Variants in C12orf42 observed in about 807,000 individuals in gnomAD.
C12orf42 encodes the protein chromosome 12 open reading frame 42.
A neutral mutation model predicts 21.6 loss-of-function variants in C12orf42; 25 were observed. The ratio of observed to expected loss-of-function variants is 1.16; its 90% CI spans 0.84 to 1.62. The LOEUF (loss-of-function observed/expected upper bound fraction) is 1.62. Among genes scored for constraint, C12orf42 ranks in the 40% most tolerant of loss-of-function variants. The pLI, the probability that C12orf42 is intolerant of heterozygous loss-of-function variation, is 0.00. For missense variants in C12orf42, 483 were observed against 459.3 expected, an observed-to-expected ratio of 1.05 and a Z score of -0.47; for synonymous variants, 174 against 175.0, an observed-to-expected ratio of 0.99 and a Z score of 0.05.
At chr12:103,397,536 ATCT>A (rs1323161592) in intron 3 of C12orf42, among the ~76,000 whole-genome samples, 20 of 152,198 alleles carry the variant, frequency 1.3e-4, no homozygotes, top group Admixed American at 1.3e-3. Flanking sequence ...ATGTCTGATG[ATCT>A]TCTAAGGTGG....
intron 4 of C12orf42, among the ~76,000 whole-genome samples, chr12:103,363,710 A>T (rs1328103457): frequency 6.6e-6 from 1 of 152,140 alleles, no homozygotes; most frequent in Non-Finnish European, 1.5e-5. Context: ...TATCAGACAA[A>T]ATAAATTATA....
At chr12:103,097,899 G>A in the C12orf42 span, among the ~76,000 whole-genome samples, 3 of 152,126 alleles carry the variant, frequency 2.0e-5, no homozygotes, top group African/African-American at 7.2e-5. Context: ...TCTGTGACAC[G>A]CTGTGGGGAC....
At chr12:103,162,580 G>A in the C12orf42 span, 1 of 151,898 alleles carries the variant, frequency 6.6e-6, no homozygotes, top group South Asian at 2.1e-4. Context: ...CCTAAGAAGA[G>A]GGAAGCCAAT....
the C12orf42 span, among the ~76,000 whole-genome samples, chr12:103,064,877 G>A: frequency 6.6e-6 from 1 of 152,304 alleles, no homozygotes; most frequent in Admixed American, 6.5e-5. Context: ...GGTAATTAAT[G>A]GAGTTTTAGC....
chr12:103,278,361 C>T (rs1442248885), intron 4 of C12orf42, among the ~76,000 whole-genome samples: 1 of 152,040 alleles, frequency 6.6e-6, no homozygotes, highest in Non-Finnish European at 1.5e-5. Flanking sequence ...TGTTTTTTCT[C>T]CACTAAGACA....
chr12:103,221,468 T>C, the C12orf42 span, among the ~76,000 whole-genome samples: 5 of 152,260 alleles, frequency 3.3e-5, no homozygotes, highest in South Asian at 8.3e-4. Flanking sequence ...TTCACTTATA[T>C]GTCCATTTCA....
intron 4 of C12orf42, among the ~76,000 whole-genome samples, chr12:103,294,389 A>AAAAGAAAGAAAG (rs10579611): frequency 0.015 from 1,774 of 118,668 alleles, 26 homozygotes; most frequent in Middle Eastern, 0.032. Context: ...AGAAAGAAGA[A>AAAAGAAAGAAAG]AAAGAAAGAA....
intron 2 of C12orf42, among the ~76,000 whole-genome samples, chr12:103,413,895 T>G (rs1318256139): frequency 6.6e-6 from 1 of 152,186 alleles, no homozygotes; most frequent in African/African-American, 2.4e-5. Flanking sequence ...ATTTTCTTTA[T>G]CCACTCATTG....
chr12:103,408,144 A>T (rs1426433294), intron 2 of C12orf42, among the ~76,000 whole-genome samples: 1 of 152,190 alleles, frequency 6.6e-6, no homozygotes, highest in East Asian at 1.9e-4. Context: ...CTTACATGGT[A>T]GCCCTGATTG....
At chr12:103,414,360 C>T (rs998140576) in intron 2 of C12orf42, among the ~76,000 whole-genome samples, 3 of 151,794 alleles carry the variant, frequency 2.0e-5, no homozygotes, top group East Asian at 1.9e-4. Context: ...GATTTGTTTG[C>T]GTTCCTTGCA....
the C12orf42 span, among the ~76,000 whole-genome samples, chr12:103,175,163 T>C: frequency 9.9e-5 from 15 of 152,278 alleles, no homozygotes; most frequent in East Asian, 2.9e-3. Context: ...AATCTTATTA[T>C]GGAGTAAAGA....
At chr12:103,411,898 G>A (rs1004984358) in intron 2 of C12orf42, among the ~76,000 whole-genome samples, 2 of 152,202 alleles carry the variant, frequency 1.3e-5, no homozygotes, top group African/African-American at 4.8e-5. Flanking sequence ...GACAGGCAGA[G>A]AGAAAGAAAT....
the C12orf42 span, among the ~76,000 whole-genome samples, chr12:103,169,788 G>A: frequency 0.015 from 620 of 40,578 alleles, 8 homozygotes; most frequent in African/African-American, 0.043. Flanking sequence ...AAATAAAAAT[G>A]ATAGAGCATG....
At chr12:103,550,125 A>G in the C12orf42 span, among the ~76,000 whole-genome samples, 2 of 152,190 alleles carry the variant, frequency 1.3e-5, no homozygotes, top group Non-Finnish European at 2.9e-5. Flanking sequence ...AATATAAAAA[A>G]GAACTTTCAA....
At chr12:103,403,270 G>A (rs531595587) in intron 2 of C12orf42, among the ~76,000 whole-genome samples, 78 of 152,074 alleles carry the variant, frequency 5.1e-4, no homozygotes, top group African/African-American at 1.5e-3. Context: ...CAGCTGCTCC[G>A]GAGGCTGAGG....
chr12:103,362,688 G>A (rs1442236010), intron 4 of C12orf42, among the ~76,000 whole-genome samples: 1 of 152,076 alleles, frequency 6.6e-6, no homozygotes, highest in Non-Finnish European at 1.5e-5. Flanking sequence ...CACACTTAGA[G>A]AAATGCAAAA....
At chr12:103,377,212 T>G in intron 3 of C12orf42, among the ~76,000 whole-genome samples, 1 of 152,102 alleles carries the variant, frequency 6.6e-6, no homozygotes, top group East Asian at 1.9e-4. Context: ...GTAGTTTCAG[T>G]GTCTTCTGAG....
intron 2 of C12orf42, among the ~76,000 whole-genome samples, chr12:103,448,315 T>C (rs1170238525): frequency 6.6e-6 from 1 of 152,034 alleles, no homozygotes; most frequent in Non-Finnish European, 1.5e-5. Context: ...AAGACTTAAA[T>C]CTAAGACCTG....
chr12:103,245,253 C>T (rs890228587), intron 10 of C12orf42, among the ~76,000 whole-genome samples: 6 of 152,026 alleles, frequency 3.9e-5, no homozygotes, highest in East Asian at 1.9e-4. Context: ...CAAGCTTCAG[C>T]GGTGGTTATT....
Sources: gnomAD v4.1 joint callset for allele counts (sites outside exome capture counted in the v4.1 genomes callset) on GRCh38, gnomAD v4.1.1 for gene constraint, MANE v1.5 for transcripts, NCBI Gene and HGNC (gene_info 2026-07-23, HGNC 2026-07-21) for gene names.